Variants in MAN2A1 observed in about 807,000 individuals in gnomAD.
MAN2A1 encodes the protein alpha-mannosidase 2.
Under a neutral mutation model 142.6 loss-of-function variants are expected in MAN2A1, and 76 were observed. The observed-to-expected ratio is 0.53, with a 90% CI of 0.44 to 0.65. The LOEUF (loss-of-function observed/expected upper bound fraction) is 0.65, where lower values mean the gene tolerates loss of function less well. Ranked by LOEUF, MAN2A1 falls within the 30% of genes least tolerant of loss-of-function variation. The probability of loss-of-function intolerance (pLI) is 0.00; values close to 1 mark genes in which losing one functional copy is unlikely to be tolerated. For missense variants in MAN2A1, 1,311 were observed against 1,365.1 expected, an observed-to-expected ratio of 0.96 and a Z score of 0.62; for synonymous variants, 559 against 473.2, an observed-to-expected ratio of 1.18 and a Z score of -2.35.
At chr5:109,745,081 CAG>C (rs1455772774) in intron 4 of MAN2A1, among the ~76,000 whole-genome samples, 4 of 151,922 alleles carry the variant, frequency 2.6e-5, no homozygotes, top group African/African-American at 9.7e-5. Flanking sequence ...AATGGAATGT[CAG>C]AGTGTTTTTT....
chr5:109,737,255 C>A (rs1752129785), intron 4 of MAN2A1, among the ~76,000 whole-genome samples: 1 of 151,752 alleles, frequency 6.6e-6, no homozygotes. Flanking sequence ...CCATGCCTGG[C>A]TAATTTTTGT....
intron 4 of MAN2A1, among the ~76,000 whole-genome samples, chr5:109,735,222 T>A (rs2112594392): frequency 6.6e-6 from 1 of 152,206 alleles, no homozygotes; most frequent in African/African-American, 2.4e-5. Flanking sequence ...TTCCATTTGC[T>A]TGGTAGATCT....
intron 3 of MAN2A1, among the ~76,000 whole-genome samples, chr5:109,727,183 A>G (rs1337042747): frequency 6.6e-6 from 1 of 152,172 alleles, no homozygotes; most frequent in African/African-American, 2.4e-5. Flanking sequence ...GGGCTGCCAT[A>G]GCAAAGTACC....
intron 5 of MAN2A1, among the ~76,000 whole-genome samples, chr5:109,767,001 G>A (rs987539229): frequency 1.3e-5 from 2 of 152,142 alleles, no homozygotes; most frequent in Admixed American, 6.6e-5. Flanking sequence ...AATGAAATAT[G>A]GTATAGTTAT....
At chr5:109,729,284 T>C in intron 3 of MAN2A1, 58 bp from the exon 4 acceptor site, 1 of 1,096,928 alleles carries the variant, frequency 9.1e-7, no homozygotes, top group Non-Finnish European at 1.3e-6. Flanking sequence ...GGAATGTGAC[T>C]GAGTTGAAAT....
intron 1 of MAN2A1, among the ~76,000 whole-genome samples, chr5:109,695,839 G>GT (rs1750795865): frequency 6.6e-6 from 1 of 152,180 alleles, no homozygotes. Context: ...ATGGGTTTCT[G>GT]TTTCAGTTAT....
intron 1 of MAN2A1, among the ~76,000 whole-genome samples, chr5:109,711,879 T>C (rs190747589): frequency 6.9e-6 from 1 of 145,688 alleles, no homozygotes; most frequent in Non-Finnish European, 1.5e-5. Context: ...AGATGACAAT[T>C]GCCTTTAAAG....
Position 109,794,604 on chromosome 5 carries a change from T to G in MAN2A1, c.1943+5077T>G, listed in dbSNP as rs2301008. Reference sequence around the variant, plus strand: ...GAGAAAAGCTGAGATATTTTTACCTTTTAAATAAAGCTGTTTTGAACTTTT... The same window carrying G: ...GAGAAAAGCTGAGATATTTTTACCTGTTAAATAAAGCTGTTTTGAACTTTT... On this transcript the variant is annotated intron_variant, in intron 12 of 21. Transcript: ENST00000261483. Among the ~76,000 whole-genome samples, 215 of 152,254 alleles carry G rather than the reference T, an allele frequency of 1.4e-3. 6 individuals are homozygous for G. In the East Asian group the frequency reaches 0.039, roughly 28 times the overall value.
chr5:109,806,121 A>G (rs922403833), intron 12 of MAN2A1, among the ~76,000 whole-genome samples: 5 of 152,152 alleles, frequency 3.3e-5, no homozygotes, highest in African/African-American at 1.2e-4. Flanking sequence ...CAGTCTGATA[A>G]GGCTCTGTTC....
chr5:109,767,823 C>T, intron 6 of MAN2A1, 115 bp downstream of exon 6: 1 of 800,084 alleles, frequency 1.2e-6, no homozygotes, highest in Non-Finnish European at 2.0e-6. Context: ...AATCAGGTGG[C>T]CTAAAGATAG....
chr5:109,850,191 C>T (rs1326980163), intron 19 of MAN2A1, among the ~76,000 whole-genome samples: 2 of 152,162 alleles, frequency 1.3e-5, no homozygotes, highest in Non-Finnish European at 2.9e-5. Flanking sequence ...TTGTTCCTGG[C>T]AGAGGACATG....
chr5:109,705,336 T>A (rs2112550626), intron 1 of MAN2A1, among the ~76,000 whole-genome samples: 1 of 152,354 alleles, frequency 6.6e-6, no homozygotes, highest in Non-Finnish European at 1.5e-5. Flanking sequence ...ATGTTGATGC[T>A]GCTTTTTCTG....
At chr5:109,847,562 GC>G in intron 18 of MAN2A1, 94 bp from the exon 19 acceptor site, 1 of 1,113,600 alleles carries the variant, frequency 9.0e-7, no homozygotes, top group Non-Finnish European at 1.2e-6. Flanking sequence ...GAAATTTAGA[GC>G]AATACATCAT....
At position 109,737,515 on chromosome 5, in the gene MAN2A1, G is replaced by A. The variant is rs184593296; in HGVS notation, c.707+8002G>A. ...GCTTCTACTGGTGTTTGAAAAGGTG[G>A]GGTTTGTAGAATATAGAGTTTGGTA... is the stretch of plus-strand genomic sequence containing the variant. On this transcript the variant is annotated intron_variant, in intron 4 of 21. Coordinates refer to ENST00000261483, the MANE Select transcript of MAN2A1 (RefSeq NM_002372.4). Among the ~76,000 whole-genome samples the A allele has an allele frequency of 4.6e-5, 7 of 151,880 alleles. No individual in the cohort carries two copies. In the East Asian group the frequency reaches 5.8e-4, roughly 13 times the overall value.
At chr5:109,749,022 T>C (rs1482729896) in intron 4 of MAN2A1, among the ~76,000 whole-genome samples, 3 of 152,110 alleles carry the variant, frequency 2.0e-5, no homozygotes, top group African/African-American at 7.2e-5. Flanking sequence ...GAATTTTTCA[T>C]TTAAAATTTT....
intron 12 of MAN2A1, among the ~76,000 whole-genome samples, chr5:109,802,877 C>T (rs892764034): frequency 2.0e-5 from 3 of 152,030 alleles, no homozygotes; most frequent in Non-Finnish European, 4.4e-5. Flanking sequence ...TCTTGCATCT[C>T]CTAAAATAAT....
intron 10 of MAN2A1, 25 bp downstream of exon 10, chr5:109,784,951 C>G (rs199675912): frequency 4.5e-5 from 68 of 1,526,496 alleles, no homozygotes; most frequent in Non-Finnish European, 6.0e-5. Flanking sequence ...GAAAAATCAT[C>G]TTTAAAAAAA....
intron 17 of MAN2A1, among the ~76,000 whole-genome samples, chr5:109,843,818 A>G (rs568858946): frequency 3.3e-5 from 5 of 152,300 alleles, no homozygotes; most frequent in African/African-American, 9.6e-5. Flanking sequence ...GTTTGATAAC[A>G]TATCTTTGAA....
At chr5:109,746,814 A>C (rs1752419872) in intron 4 of MAN2A1, among the ~76,000 whole-genome samples, 1 of 152,094 alleles carries the variant, frequency 6.6e-6, no homozygotes, top group Non-Finnish European at 1.5e-5. Flanking sequence ...TTCTGTCTCT[A>C]CAAGTTTGAC....
Sources: allele counts gnomAD v4.1 joint callset (sites outside exome capture counted in the v4.1 genomes callset), GRCh38; gene constraint gnomAD v4.1.1; transcripts MANE v1.5; gene names NCBI Gene and HGNC (gene_info 2026-07-23, HGNC 2026-07-21).